The following SLC4A7 variants were observed in gnomAD, a reference collection of about 807,000 sequenced individuals.
The protein encoded by SLC4A7 is solute carrier family 4 member 7.
SLC4A7 carries 51 observed loss-of-function variants against 137.6 expected under a neutral mutation model. The observed-to-expected ratio is 0.37, with a 90% CI of 0.30 to 0.47. The LOEUF is 0.47. Ranked by LOEUF, SLC4A7 falls within the 20% of genes least tolerant of loss-of-function variation. The pLI is 1.00. For missense variants in SLC4A7, 1,247 were observed against 1,525.4 expected (o/e 0.82, Z 3.04); for synonymous variants, 542 against 518.6 (o/e 1.05, Z -0.61).
chr3:27,422,649 T>C (rs1482598842), intron 8 of SLC4A7: 1 of 351,986 alleles, frequency 2.8e-6, no homozygotes, highest in Non-Finnish European at 5.8e-6. Context: ...AAATTTAGCT[T>C]TCTGTGTATA....
At chr3:27,390,536 T>C (rs1334842302) in intron 21 of SLC4A7, among the ~76,000 whole-genome samples, 6 of 152,196 alleles carry the variant, frequency 3.9e-5, no homozygotes, top group African/African-American at 1.2e-4. Flanking sequence ...TCTTCACTAA[T>C]TGAAAATAAA....
chr3:27,450,643 A>G (rs895453874), intron 2 of SLC4A7, among the ~76,000 whole-genome samples: 7 of 152,126 alleles, frequency 4.6e-5, no homozygotes, highest in African/African-American at 1.7e-4. Context: ...AATAAATGCT[A>G]TGAGTGTGCA....
chr3:27,431,798 T>A, intron 6 of SLC4A7, 129 bp from the exon 7 acceptor site: 1 of 848,864 alleles, frequency 1.2e-6, no homozygotes, highest in Non-Finnish European at 1.7e-6. Flanking sequence ...AGTCATGTGA[T>A]GGTTAGCATG....
intron 1 of SLC4A7, among the ~76,000 whole-genome samples, chr3:27,465,796 T>C (rs1393225547): frequency 2.7e-5 from 4 of 150,046 alleles, no homozygotes; most frequent in African/African-American, 4.9e-5. Context: ...CTACTAAAAA[T>C]ACAAAAAATT....
At chr3:27,443,994 G>C (rs1232159707) in intron 3 of SLC4A7, among the ~76,000 whole-genome samples, 2 of 152,158 alleles carry the variant, frequency 1.3e-5, no homozygotes, top group Non-Finnish European at 2.9e-5. Context: ...TTATGGACTA[G>C]AATATGATCT....
At position 27,433,955 on chromosome 3, in the gene SLC4A7, C is replaced by CT; in HGVS notation, c.738dup (p.Gly247ArgfsTer6). 1 of 1,613,790 alleles carries CT rather than the reference C, an allele frequency of 6.2e-7. No individual in the cohort carries two copies. The highest frequency in any genetic ancestry group is 8.5e-7 in the Non-Finnish European group (1 of 1,179,886). On this transcript the variant is annotated frameshift_variant, in exon 6 of 26. Transcript: ENST00000454389. LOFTEE classifies it high-confidence loss of function. ...AAGTGAGGGTCAGAATGTTTCTTGC[C>CT]TATATCTGCAAAAGATCGAACAAGA... is the stretch of plus-strand genomic sequence containing the variant.
intron 15 of SLC4A7, among the ~76,000 whole-genome samples, chr3:27,402,036 C>CG (rs1397048471): frequency 6.6e-6 from 1 of 152,024 alleles, no homozygotes; most frequent in Non-Finnish European, 1.5e-5. Flanking sequence ...GGAAAGGCAG[C>CG]GGGGGAAGAA....
intron 25 of SLC4A7, 146 bp from the exon 26 acceptor site, chr3:27,376,991 A>G: frequency 8.3e-6 from 3 of 360,952 alleles, no homozygotes; most frequent in Non-Finnish European, 1.5e-5. Flanking sequence ...TTTCTAAATC[A>G]ATAAACATAA....
chr3:27,410,949 G>GT (rs149706418), intron 12 of SLC4A7, among the ~76,000 whole-genome samples: 3,650 of 151,670 alleles, frequency 0.024, 164 homozygotes, highest in African/African-American at 0.085. Context: ...AAGATTCCCT[G>GT]TTTTTTTTAC....
chr3:27,437,078 C>A (rs59620170), intron 4 of SLC4A7, among the ~76,000 whole-genome samples: 1 of 152,058 alleles, frequency 6.6e-6, no homozygotes, highest in Non-Finnish European at 1.5e-5. Flanking sequence ...AGGCCGGGAA[C>A]GGTGGCTAAC....
chr3:27,439,349 T>C (rs951106590), intron 3 of SLC4A7, among the ~76,000 whole-genome samples: 7 of 152,148 alleles, frequency 4.6e-5, no homozygotes, highest in Non-Finnish European at 7.4e-5. Context: ...TTTTCCAGTA[T>C]GTTTATGTCA....
chr3:27,415,324 C>T (rs1372411936), intron 11 of SLC4A7, among the ~76,000 whole-genome samples: 1 of 152,174 alleles, frequency 6.6e-6, no homozygotes, highest in East Asian at 1.9e-4. Context: ...CTCATCCAGG[C>T]CTTCTCATAT....
chr3:27,470,992 AAC>A, intron 1 of SLC4A7, among the ~76,000 whole-genome samples: 1 of 152,312 alleles, frequency 6.6e-6, no homozygotes, highest in Non-Finnish European at 1.5e-5. Flanking sequence ...CCTGGAAAGA[AAC>A]ACATTTTGCA....
At chr3:27,435,829 TGA>T (rs1201347793) in intron 5 of SLC4A7, among the ~76,000 whole-genome samples, 2 of 151,990 alleles carry the variant, frequency 1.3e-5, no homozygotes, top group Non-Finnish European at 2.9e-5. Context: ...TGGATGACAG[TGA>T]GAGACCCTGT....
At chr3:27,395,696 T>A (rs1202127120) in intron 18 of SLC4A7, among the ~76,000 whole-genome samples, 1 of 152,178 alleles carries the variant, frequency 6.6e-6, no homozygotes, top group Non-Finnish European at 1.5e-5. Flanking sequence ...ACAAACCAGC[T>A]AAGCCTAGTC....
At chr3:27,380,374 G>A (rs1276269285) in intron 24 of SLC4A7, among the ~76,000 whole-genome samples, 2 of 150,780 alleles carry the variant, frequency 1.3e-5, no homozygotes, top group Non-Finnish European at 3.0e-5. Flanking sequence ...AAATGTTTCT[G>A]TTTCTATATT....
At chr3:27,424,699 C>T (rs1300558238) in intron 7 of SLC4A7, among the ~76,000 whole-genome samples, 11 of 152,070 alleles carry the variant, frequency 7.2e-5, no homozygotes, top group African/African-American at 2.7e-4. Context: ...GTCTATAATA[C>T]CTATTGTCAT....
chr3:27,481,744 A>G (rs897428451), intron 1 of SLC4A7, among the ~76,000 whole-genome samples: 1 of 152,188 alleles, frequency 6.6e-6, no homozygotes, highest in African/African-American at 2.4e-5. Context: ...AAGACTTAGG[A>G]GGTTTACCCT....
chr3:27,413,554 T>C (rs1301440287), intron 11 of SLC4A7, among the ~76,000 whole-genome samples: 1 of 152,168 alleles, frequency 6.6e-6, no homozygotes, highest in Non-Finnish European at 1.5e-5. Flanking sequence ...AGGAATTCTT[T>C]CATATTCAAA....
Sources: gnomAD v4.1 joint callset for allele counts (sites outside exome capture counted in the v4.1 genomes callset) on GRCh38, gnomAD v4.1.1 for gene constraint, MANE v1.5 for transcripts, NCBI Gene and HGNC (gene_info 2026-07-23, HGNC 2026-07-21) for gene names.